Variants in ALPK1 observed in about 807,000 individuals in gnomAD.
ALPK1 encodes the protein alpha-protein kinase 1.
ALPK1 carries 110 observed loss-of-function variants against 120.6 expected under a neutral mutation model. That is an observed-to-expected ratio of 0.91 (90% CI 0.78 to 1.07). The LOEUF is 1.07. Among genes scored for constraint, ALPK1 ranks in the 50% least tolerant of loss-of-function variants. ALPK1 has a pLI of 0.00. For missense variants in ALPK1, 1,498 were observed against 1,483.9 expected, an observed-to-expected ratio of 1.01 and a Z score of -0.16; for synonymous variants, 582 against 560.3, an observed-to-expected ratio of 1.04 and a Z score of -0.55.
At chr4:112,418,164 C>T (rs115206672) in intron 5 of ALPK1, among the ~76,000 whole-genome samples, 4,323 of 152,254 alleles carry the variant, frequency 0.028, 196 homozygotes, top group African/African-American at 0.098. Context: ...ACGCACACCA[C>T]GGCTGAGATC....
intron 13 of ALPK1, 98 bp from the exon 14 acceptor site, chr4:112,439,588 C>G: frequency 1.0e-6 from 1 of 975,612 alleles, no homozygotes; most frequent in Non-Finnish European, 1.5e-6. Flanking sequence ...CTCAGAGAAG[C>G]AAAGTGGCAG....
At chr4:112,331,170 AC>A (rs1198087755) in intron 2 of ALPK1, among the ~76,000 whole-genome samples, 1 of 152,132 alleles carries the variant, frequency 6.6e-6, no homozygotes, top group African/African-American at 2.4e-5. Flanking sequence ...CATCTTTGTC[AC>A]CATGGCCACT....
chr4:112,340,315 A>T (rs1049125591), intron 2 of ALPK1, among the ~76,000 whole-genome samples: 5 of 152,252 alleles, frequency 3.3e-5, no homozygotes, highest in Admixed American at 3.3e-4. Context: ...AACCTTCAAA[A>T]CTGAGCTTTG....
intron 2 of ALPK1, among the ~76,000 whole-genome samples, chr4:112,336,017 A>ACCAACCAG (rs1290604033): frequency 6.6e-6 from 1 of 152,094 alleles, no homozygotes; most frequent in African/African-American, 2.4e-5. Flanking sequence ...CAACCAACCA[A>ACCAACCAG]CCAACCAATC....
chr4:112,397,370 A>C (rs112500254), intron 4 of ALPK1, among the ~76,000 whole-genome samples: 152 of 152,318 alleles, frequency 1.0e-3, no homozygotes, highest in African/African-American at 3.3e-3. Context: ...TATTTCTTTC[A>C]TGGCTGTTGA....
chr4:112,403,071 C>A (rs1732994276), intron 4 of ALPK1, among the ~76,000 whole-genome samples: 1 of 151,990 alleles, frequency 6.6e-6, no homozygotes, highest in Non-Finnish European at 1.5e-5. Flanking sequence ...GGGAGAGGGG[C>A]TCTCTTTCAT....
intron 4 of ALPK1, among the ~76,000 whole-genome samples, chr4:112,393,244 G>A (rs1325165373): frequency 1.3e-5 from 2 of 152,144 alleles, no homozygotes; most frequent in Non-Finnish European, 2.9e-5. Flanking sequence ...AGAAGACCCA[G>A]AAATATATTG....
intron 4 of ALPK1, among the ~76,000 whole-genome samples, chr4:112,388,322 G>A (rs948136690): frequency 3.9e-5 from 6 of 152,204 alleles, no homozygotes; most frequent in African/African-American, 7.2e-5. Context: ...TGACTAACTC[G>A]TGAGCTCAGG....
rs185407329 is a variant in ALPK1, at chr4:112,396,533, C to T, written c.276+13981C>T. ...AACCATCCAACATAACAGAGTAAGG[C>T]GCTTATGTCAATTCACTTTTTAAAA... On this transcript the variant is annotated intron_variant, in intron 4 of 15. Transcript: ENST00000650871. Among the ~76,000 whole-genome samples the T allele has an allele frequency of 3.3e-3, 503 of 152,204 alleles. 1 individual carries two copies. The highest frequency in any genetic ancestry group is 6.1e-3 in the Non-Finnish European group (412 of 68,016).
intron 2 of ALPK1, among the ~76,000 whole-genome samples, chr4:112,348,408 G>T (rs1397740221): frequency 6.6e-6 from 1 of 152,218 alleles, no homozygotes; most frequent in Non-Finnish European, 1.5e-5. Flanking sequence ...GTGTCGAGAG[G>T]TAAGTCAACA....
chr4:112,320,549 T>G (rs1031394901), intron 2 of ALPK1, among the ~76,000 whole-genome samples: 1 of 152,200 alleles, frequency 6.6e-6, no homozygotes, highest in Admixed American at 6.5e-5. Context: ...TAGGATGATA[T>G]TGACTTTATA....
chr4:112,360,042 A>G (rs1208050258), intron 2 of ALPK1, among the ~76,000 whole-genome samples: 1 of 152,140 alleles, frequency 6.6e-6, no homozygotes, highest in Non-Finnish European at 1.5e-5. Flanking sequence ...TCTAACTGAA[A>G]TTTTGTATCC....
At chr4:112,357,571 G>C in intron 2 of ALPK1, 1 of 1,412,982 alleles carries the variant, frequency 7.1e-7, no homozygotes, top group Admixed American at 1.7e-5. Flanking sequence ...ACTGGCCCCC[G>C]GGTCCTCCTT....
At chr4:112,381,872 A>C (rs1362346568) in intron 3 of ALPK1, among the ~76,000 whole-genome samples, 1 of 152,214 alleles carries the variant, frequency 6.6e-6, no homozygotes, top group Non-Finnish European at 1.5e-5. Context: ...TTTCACAATT[A>C]ATTTACACCA....
Position 112,432,060 on chromosome 4 carries a change from C to T in ALPK1, c.2513C>T (p.Pro838Leu). ...CCTGACTCCAGAAAAAGTGGTGGCC[C>T]AGTCGCAGAGCAGGGCATCGACCCT... ...QNPDSRKSGGPVAEQGIDPDA... is the reference protein window; with the variant it reads ...QNPDSRKSGGLVAEQGIDPDA... Residue 838 changes from proline to leucine, a missense_variant, in exon 11 of 16, where the codon CCA (proline) becomes CTA (leucine). Coordinates refer to ENST00000650871, the MANE Select transcript of ALPK1 (RefSeq NM_025144.4). The T allele has an allele frequency of 6.2e-7, 1 of 1,613,996 alleles. No individual in the cohort carries two copies. Among genetic ancestry groups the T allele is most frequent in the Non-Finnish European group, 8.5e-7 (1 of 1,179,952 alleles).
At chr4:112,301,014 G>A (rs754332100) in intron 1 of ALPK1, among the ~76,000 whole-genome samples, 4 of 151,876 alleles carry the variant, frequency 2.6e-5, no homozygotes, top group Admixed American at 2.0e-4. Context: ...CAAAAGCCTT[G>A]TCCATTCATA....
At chr4:112,369,081 A>G (rs1731285017) in intron 2 of ALPK1, among the ~76,000 whole-genome samples, 1 of 152,140 alleles carries the variant, frequency 6.6e-6, no homozygotes, top group South Asian at 2.1e-4. Context: ...TTATTGACAT[A>G]TTTTAGAGAT....
At chr4:112,412,147 G>A in intron 5 of ALPK1, 122 bp downstream of exon 5, 4 of 1,214,078 alleles carry the variant, frequency 3.3e-6, no homozygotes, top group Non-Finnish European at 4.7e-6. Context: ...ATCTTTCCGA[G>A]CCCGGGGCTC....
chr4:112,315,751 C>A (rs1000524284), intron 1 of ALPK1, 50 bp from the exon 2 acceptor site: 10 of 152,314 alleles, frequency 6.6e-5, no homozygotes, highest in Non-Finnish European at 1.5e-4. Flanking sequence ...AGAGATTATT[C>A]CATCTTCTTA....
Sources: gnomAD v4.1 joint callset for allele counts (sites outside exome capture counted in the v4.1 genomes callset) on GRCh38, gnomAD v4.1.1 for gene constraint, MANE v1.5 for transcripts, NCBI Gene and HGNC (gene_info 2026-07-23, HGNC 2026-07-21) for gene names.